Variants in HSPA4L observed in about 807,000 individuals in gnomAD.
HSPA4L encodes heat shock 70 kDa protein 4L.
HSPA4L carries 48 observed loss-of-function variants against 100.3 expected under a neutral mutation model. That is an observed-to-expected ratio of 0.48 (90% CI 0.38 to 0.61). HSPA4L has a LOEUF of 0.61. Among genes scored for constraint, HSPA4L ranks in the 20% least tolerant of loss-of-function variants. The probability of loss-of-function intolerance (pLI) is 0.00; values close to 1 mark genes in which losing one functional copy is unlikely to be tolerated. For missense variants in HSPA4L, 886 were observed against 988.6 expected, an observed-to-expected ratio of 0.90 and a Z score of 1.39; for synonymous variants, 319 against 328.2, an observed-to-expected ratio of 0.97 and a Z score of 0.30.
At position 127,803,784 on chromosome 4, in the gene HSPA4L, A is replaced by G; in HGVS notation, c.819A>G (p.Leu273=). Residue 273 remains leucine (L), a synonymous_variant, in exon 7 of 19, where the codon CTA becomes CTG. Coordinates refer to ENST00000296464, the MANE Select transcript of HSPA4L (RefSeq NM_014278.4). ...GTTTATATCAGGAATGTGAAAAACTAAAGAAGCTAATGAGTGCAAATGCAT... is the reference window on the plus strand; with the variant it reads ...GTTTATATCAGGAATGTGAAAAACTGAAGAAGCTAATGAGTGCAAATGCAT... The part of the protein sequence containing the change: ...LLRLYQECEK[L]KKLMSANASD... The G allele has an allele frequency of 6.2e-6, 10 of 1,614,024 alleles. No homozygotes were observed. Among genetic ancestry groups the G allele is most frequent in the Non-Finnish European group, 8.5e-6 (10 of 1,179,946 alleles).
rs770444718 is a variant in HSPA4L, at chr4:127,798,570, C to A, written c.307-17C>A. 2 of 1,610,914 alleles carry A rather than the reference C, an allele frequency of 1.2e-6. No homozygotes were observed. The highest frequency in any genetic ancestry group is 1.7e-6 in the Non-Finnish European group (2 of 1,178,270). On this transcript the variant is annotated splice_polypyrimidine_tract_variant and intron_variant, in intron 3 of 18. Transcript: ENST00000296464. The stretch of plus-strand genomic sequence containing the variant: ...AAACAAATGACTCTTAATAAATATC[C>A]CAACTTTTGGTGTTAGGTGCGGTAC...
At chr4:127,825,065 A>G (rs929873047) in intron 16 of HSPA4L, among the ~76,000 whole-genome samples, 5 of 151,990 alleles carry the variant, frequency 3.3e-5, no homozygotes, top group African/African-American at 1.2e-4. Flanking sequence ...GCGTGAACCC[A>G]GGAGGTGGAA....
intron 1 of HSPA4L, chr4:127,783,830 G>A (rs1218599455): frequency 3.0e-6 from 2 of 665,352 alleles, no homozygotes; most frequent in African/African-American, 3.6e-5. Context: ...ATGTTGAAGA[G>A]TAGCTCACTT....
intron 5 of HSPA4L, 152 bp from the exon 6 acceptor site, chr4:127,801,633 C>T: frequency 1.7e-6 from 1 of 589,140 alleles, no homozygotes; most frequent in Non-Finnish European, 2.8e-6. Context: ...AAAGTTAAAG[C>T]ATTATTAACC....
rs1289571299 is a variant in HSPA4L, at chr4:127,834,287, T to C, written c.*1413T>C. The stretch of plus-strand genomic sequence containing the variant: ...GGTTAAAATTTCAAAAGGCTCATTT[T>C]CTCCCAAAGCTAAATCTTTATATTA... On this transcript the variant is annotated 3_prime_UTR_variant, in exon 19 of 19. Coordinates refer to ENST00000296464, the MANE Select transcript of HSPA4L (RefSeq NM_014278.4). 1 of 152,172 alleles carries C rather than the reference T, an allele frequency of 6.6e-6. No individual in the cohort carries two copies. The highest frequency in any genetic ancestry group is 1.5e-5 in the Non-Finnish European group (1 of 68,010). 9.4% of individuals were successfully genotyped at this position (152,172 alleles called of 1,614,324 possible).
chr4:127,799,904 A>G (rs1733128406), intron 4 of HSPA4L, among the ~76,000 whole-genome samples: 1 of 152,192 alleles, frequency 6.6e-6, no homozygotes, highest in Admixed American at 6.5e-5. Flanking sequence ...GATAATACCA[A>G]ATCAGCAAAA....
intron 1 of HSPA4L, among the ~76,000 whole-genome samples, chr4:127,791,957 C>T (rs1282830817): frequency 6.6e-6 from 1 of 152,196 alleles, no homozygotes; most frequent in Non-Finnish European, 1.5e-5. Flanking sequence ...TAGCAACTAA[C>T]AGTGTGCCAG....
At chr4:127,821,912 T>C (rs933218463) in intron 14 of HSPA4L, among the ~76,000 whole-genome samples, 2 of 152,196 alleles carry the variant, frequency 1.3e-5, no homozygotes, top group Non-Finnish European at 2.9e-5. Context: ...AATCTGAGTA[T>C]GTAGAATGAC....
chr4:127,825,939 A>G (rs551669653), intron 16 of HSPA4L, among the ~76,000 whole-genome samples: 4 of 151,414 alleles, frequency 2.6e-5, no homozygotes, highest in East Asian at 3.9e-4. Context: ...AAAAAAAAAA[A>G]AAAAAGAAAA....
intron 12 of HSPA4L, among the ~76,000 whole-genome samples, chr4:127,814,365 A>ATACTTGGC (rs1381675995): frequency 6.6e-6 from 1 of 152,190 alleles, no homozygotes; most frequent in Non-Finnish European, 1.5e-5. Context: ...TATGGATCAT[A>ATACTTGGC]TACTTGGCAT....
intron 5 of HSPA4L, 89 bp downstream of exon 5, chr4:127,801,326 C>A: frequency 3.3e-6 from 3 of 914,052 alleles, no homozygotes; most frequent in Non-Finnish European, 4.9e-6. Flanking sequence ...TTTTTTTTAA[C>A]TCCAAGGCAA....
chr4:127,795,792 A>G lies in HSPA4L; in HGVS notation c.190A>G (p.Ile64Val), dbSNP rs911638580. 1.9e-6 allele frequency: 3 copies of G among 1,613,682 alleles called. No homozygotes were observed. The African/African-American group carries it at 4.0e-5, about 22-fold the overall frequency. Residue 64 changes from isoleucine to valine, a missense_variant, in exon 3 of 19, where the codon ATT becomes GTT. Ile to Val is a conservative substitution (Grantham distance 29, BLOSUM62 3). Transcript: ENST00000296464. ...SQIVTNVRNT[I>V]HGFKKLHGRS... is the part of the protein sequence containing the mutation. ...GATAGTCACGAACGTAAGAAATACA[A>G]TTCATGGCTTCAAAAAGCTTCATGG... is the stretch of plus-strand genomic sequence containing the variant.
chr4:127,823,759 G>A (rs145045628), intron 16 of HSPA4L, 135 bp downstream of exon 16: 7 of 591,076 alleles, frequency 1.2e-5, no homozygotes, highest in Admixed American at 3.1e-5. Flanking sequence ...TGTGGTGTAC[G>A]ACATGTTTTG....
intron 18 of HSPA4L, 39 bp downstream of exon 18, chr4:127,830,838 G>A: frequency 7.4e-7 from 1 of 1,356,998 alleles, no homozygotes; most frequent in Non-Finnish European, 9.8e-7. Flanking sequence ...ATGGTTTCAA[G>A]TATTAAAATT....
intron 10 of HSPA4L, 89 bp from the exon 11 acceptor site, chr4:127,807,907 T>A (rs1733406693): frequency 7.7e-7 from 1 of 1,302,560 alleles, no homozygotes. Flanking sequence ...CAGTTGCTGC[T>A]AATGAATTAA....
At chr4:127,791,702 A>G (rs1448394004) in intron 1 of HSPA4L, among the ~76,000 whole-genome samples, 1 of 152,220 alleles carries the variant, frequency 6.6e-6, no homozygotes, top group East Asian at 1.9e-4. Context: ...ACTACAGTCA[A>G]TATGATCTCC....
At position 127,823,573 on chromosome 4, in the gene HSPA4L, C is replaced by A. The variant is rs181365352; in HGVS notation, c.1995C>A (p.Asp665Glu). The change falls in exon 16 of 19, where the codon GAC becomes GAA. Residue 665 changes from aspartate to glutamate, a missense_variant. Coordinates refer to ENST00000296464, the MANE Select transcript of HSPA4L (RefSeq NM_014278.4). The stretch of plus-strand genomic sequence containing the variant: ...ACACAGAAAATTGGCTTTATGAAGA[C>A]GGAGAGGACCAACCTAAACAAGTTT... ...LEDTENWLYE[D>E]GEDQPKQVYV... 6.2e-7 allele frequency: 1 copy of A among 1,613,508 alleles called. No individual in the cohort carries two copies. Among genetic ancestry groups the A allele is most frequent in the Admixed American group, 1.7e-5 (1 of 59,998 alleles).
At chr4:127,816,925 AC>A (rs1341356924) in intron 12 of HSPA4L, among the ~76,000 whole-genome samples, 1 of 152,206 alleles carries the variant, frequency 6.6e-6, no homozygotes. Flanking sequence ...AGGCATTGTG[AC>A]CATTTAGCAT....
chr4:127,801,961 C>T (rs551486382), intron 6 of HSPA4L, 43 bp downstream of exon 6: 1 of 1,499,640 alleles, frequency 6.7e-7, no homozygotes, highest in South Asian at 1.3e-5. Context: ...ATGTTAAGAA[C>T]ACAGACTAAA....
Sources: gnomAD v4.1 joint callset for allele counts (sites outside exome capture counted in the v4.1 genomes callset) on GRCh38, gnomAD v4.1.1 for gene constraint, MANE v1.5 for transcripts, NCBI Gene and HGNC (gene_info 2026-07-23, HGNC 2026-07-21) for gene names.